The following NBDY variants were observed in gnomAD, a reference collection of about 807,000 sequenced individuals.
NBDY encodes P-body dissociating protein.
At chrX:56,812,038 T>C (rs2069889733) in intron 2 of NBDY, among the ~76,000 whole-genome samples, 1 of 110,927 alleles carries the variant, frequency 9.0e-6, no homozygotes, top group Non-Finnish European at 1.9e-5. Context: ...CTTGGTGAGG[T>C]GACACCCCTA....
chrX:56,746,689 C>T (rs2069559774), intron 2 of NBDY, among the ~76,000 whole-genome samples: 1 of 109,897 alleles, frequency 9.1e-6, no homozygotes, highest in African/African-American at 3.3e-5. Flanking sequence ...TTCCTTGCCA[C>T]TGTAGATCTG....
At chrX:56,735,185 C>T (rs1454297351) in intron 2 of NBDY, among the ~76,000 whole-genome samples, 1 of 112,277 alleles carries the variant, frequency 8.9e-6, no homozygotes, top group African/African-American at 3.2e-5. Context: ...CAAATTCTCA[C>T]CTTTTCACCT....
chrX:56,748,938 TA>T (rs1335712708), intron 2 of NBDY, among the ~76,000 whole-genome samples: 1 of 105,999 alleles, frequency 9.4e-6, no homozygotes, highest in Non-Finnish European at 1.9e-5. Flanking sequence ...AAGGGAGTAT[TA>T]AAAAATAATG....
At chrX:56,763,804 C>G (rs758665037) in intron 2 of NBDY, among the ~76,000 whole-genome samples, 7 of 112,427 alleles carry the variant, frequency 6.2e-5, no homozygotes, top group Non-Finnish European at 1.1e-4. Flanking sequence ...GTGACTGATT[C>G]CTTTCACTCC....
chrX:56,760,078 G>A (rs867482610), intron 2 of NBDY, among the ~76,000 whole-genome samples: 1 of 112,478 alleles, frequency 8.9e-6, no homozygotes, highest in African/African-American at 3.2e-5. Flanking sequence ...TGAGGCTGCC[G>A]GGTTGTTCTG....
chrX:56,753,541 T>C (rs1415276830), intron 2 of NBDY, among the ~76,000 whole-genome samples: 1 of 111,396 alleles, frequency 9.0e-6, no homozygotes, highest in African/African-American at 3.3e-5. Flanking sequence ...TGGGAAAGTG[T>C]ATATTGTGAG....
intron 2 of NBDY, among the ~76,000 whole-genome samples, chrX:56,802,199 T>C (rs1193019892): frequency 8.9e-6 from 1 of 112,125 alleles, no homozygotes; most frequent in Non-Finnish European, 1.9e-5. Context: ...TGCTGTTGAT[T>C]GGGCACCTAA....
intron 2 of NBDY, among the ~76,000 whole-genome samples, chrX:56,788,148 G>A (rs2069740523): frequency 8.9e-6 from 1 of 112,683 alleles, no homozygotes; most frequent in South Asian, 3.7e-4. Context: ...CCAGGCTACT[G>A]GTCCTTGGTG....
chrX:56,739,245 T>TATATATATAC (rs1556001306), intron 2 of NBDY, among the ~76,000 whole-genome samples: 2 of 79,183 alleles, frequency 2.5e-5, no homozygotes, highest in African/African-American at 1.1e-4. Flanking sequence ...TGTGTATATA[T>TATATATATAC]ATATATATAT....
chrX:56,783,413 T>G (rs934664500), intron 2 of NBDY, among the ~76,000 whole-genome samples: 39 of 112,917 alleles, frequency 3.5e-4, no homozygotes, highest in South Asian at 3.3e-3. Context: ...AGAGACCAGA[T>G]TAAACGGCCC....
chrX:56,802,047 C>G (rs184099168), intron 2 of NBDY, among the ~76,000 whole-genome samples: 2 of 109,975 alleles, frequency 1.8e-5, no homozygotes, highest in African/African-American at 6.6e-5. Context: ...GGTGCGGGCT[C>G]AAGCATTCAC....
At chrX:56,759,256 G>A (rs979123010) in intron 2 of NBDY, among the ~76,000 whole-genome samples, 1 of 112,047 alleles carries the variant, frequency 8.9e-6, no homozygotes, top group African/African-American at 3.2e-5. Flanking sequence ...TCCTGGAATG[G>A]CAGCCCTATG....
At chrX:56,764,022 G>A (rs2069652927) in intron 2 of NBDY, among the ~76,000 whole-genome samples, 1 of 112,263 alleles carries the variant, frequency 8.9e-6, no homozygotes. Context: ...TGGCGGCATG[G>A]AGCCCCCAGG....
intron 1 of NBDY, among the ~76,000 whole-genome samples, chrX:56,731,112 G>A (rs2069455475): frequency 9.3e-6 from 1 of 107,037 alleles, no homozygotes; most frequent in South Asian, 3.9e-4. Context: ...GGGTTTGGTG[G>A]TAATGCATAG....
intron 2 of NBDY, among the ~76,000 whole-genome samples, chrX:56,786,025 G>T (rs997797157): frequency 9.9e-5 from 11 of 111,395 alleles, no homozygotes; most frequent in Non-Finnish European, 1.9e-4. Context: ...GGAAAAATTG[G>T]CATTTCCCTC....
At chrX:56,733,200 GGTTT>G (rs1466904686) in intron 2 of NBDY, among the ~76,000 whole-genome samples, 1 of 103,734 alleles carries the variant, frequency 9.6e-6, no homozygotes, top group African/African-American at 3.5e-5. Flanking sequence ...TTTGACCCAT[GGTTT>G]GTTTTTTTTC....
intron 2 of NBDY, among the ~76,000 whole-genome samples, chrX:56,737,010 C>T (rs1268049641): frequency 9.0e-6 from 1 of 111,666 alleles, no homozygotes; most frequent in African/African-American, 3.3e-5. Context: ...AAAGTGGCCT[C>T]TGAGCTCCAG....
intron 2 of NBDY, among the ~76,000 whole-genome samples, chrX:56,743,476 G>A (rs2146715421): frequency 9.0e-6 from 1 of 110,619 alleles, no homozygotes; most frequent in African/African-American, 3.3e-5. Flanking sequence ...GGTCTTTTCA[G>A]GTTTTGGATT....
At chrX:56,797,269 CCTT>C (rs776236925) in intron 2 of NBDY, among the ~76,000 whole-genome samples, 186 of 106,613 alleles carry the variant, frequency 1.7e-3, no homozygotes, top group Non-Finnish European at 2.9e-3. Flanking sequence ...TTCTTTCTCT[CCTT>C]CTTTTCTATT....
Sources: gnomAD v4.1 joint callset for allele counts (sites outside exome capture counted in the v4.1 genomes callset) on GRCh38, gnomAD v4.1.1 for gene constraint, MANE v1.5 for transcripts, NCBI Gene and HGNC (gene_info 2026-07-23, HGNC 2026-07-21) for gene names.